MARCHF10: variants seen among roughly 807,000 people sequenced by gnomAD.
MARCHF10 encodes membrane associated ring-CH-type finger 10.
MARCHF10 carries 64 observed loss-of-function variants against 76.2 expected under a neutral mutation model. The observed-to-expected ratio is 0.84, with a 90% CI of 0.69 to 1.03. The LOEUF is 1.03. MARCHF10 is among the 50% of genes least tolerant of loss of function. MARCHF10 has a pLI of 0.00. For synonymous variants in MARCHF10, 340 were observed against 357.5 expected (o/e 0.95, Z 0.55); for missense variants, 875 against 958.0 (o/e 0.91, Z 1.14).
chr17:62,782,345 C>CTTTTTTTTTTTT (rs10676023), intron 3 of MARCHF10, among the ~76,000 whole-genome samples: 1 of 107,028 alleles, frequency 9.3e-6, no homozygotes, highest in East Asian at 2.7e-4. Flanking sequence ...AACAACTGTT[C>CTTTTTTTTTTTT]TTTTTTTTTT....
chr17:62,756,629 G>A (rs772915315), intron 4 of MARCHF10, among the ~76,000 whole-genome samples: 1 of 152,178 alleles, frequency 6.6e-6, no homozygotes, highest in Non-Finnish European at 1.5e-5. Flanking sequence ...CACAGCGGCA[G>A]GGACTGTCCT....
intron 8 of MARCHF10, among the ~76,000 whole-genome samples, chr17:62,713,878 A>C (rs1450275503): frequency 6.6e-6 from 1 of 152,220 alleles, no homozygotes; most frequent in African/African-American, 2.4e-5. Flanking sequence ...AAACAGCGCA[A>C]AAGGGCTCCG....
At chr17:62,702,701 G>T (rs757695642) in intron 10 of MARCHF10, among the ~76,000 whole-genome samples, 7 of 152,158 alleles carry the variant, frequency 4.6e-5, no homozygotes, top group African/African-American at 7.2e-5. Flanking sequence ...AGAAAAGAAA[G>T]AAAGTTTCTG....
At chr17:62,802,582 G>C (rs539563069) in intron 1 of MARCHF10, among the ~76,000 whole-genome samples, 1 of 152,168 alleles carries the variant, frequency 6.6e-6, no homozygotes, top group East Asian at 1.9e-4. Context: ...ACTATGATAG[G>C]CCCTCTGAAG....
At chr17:62,708,713 A>G (rs2089741775) in intron 9 of MARCHF10, among the ~76,000 whole-genome samples, 1 of 152,218 alleles carries the variant, frequency 6.6e-6, no homozygotes, top group Non-Finnish European at 1.5e-5. Context: ...CCACTTCCTT[A>G]TCTGGCAAAA....
At chr17:62,803,621 G>T (rs2093115034) in intron 1 of MARCHF10, among the ~76,000 whole-genome samples, 1 of 152,136 alleles carries the variant, frequency 6.6e-6, no homozygotes, top group African/African-American at 2.4e-5. Context: ...CCAGGTTCCA[G>T]CTATTCTCCT....
chr17:62,746,920 G>A (rs2091725763), intron 4 of MARCHF10: 1 of 1,536,020 alleles, frequency 6.5e-7, no homozygotes, highest in Admixed American at 2.0e-5. Context: ...GACTGCACCA[G>A]CCAGAAGGTC....
chr17:62,779,587 G>C (rs866292339), intron 3 of MARCHF10, among the ~76,000 whole-genome samples: 2 of 152,290 alleles, frequency 1.3e-5, no homozygotes, highest in African/African-American at 2.4e-5. Context: ...CAGCCTCCAC[G>C]GACAGCTGAG....
chr17:62,727,543 T>C (rs4968628), intron 6 of MARCHF10, among the ~76,000 whole-genome samples: 74,223 of 151,836 alleles, frequency 0.49, 18,795 homozygotes, highest in East Asian at 0.65. Flanking sequence ...GTACTAGCCT[T>C]TGGTATTACT....
At chr17:62,725,166 C>T in intron 6 of MARCHF10, 62 bp from the exon 7 acceptor site, 1 of 1,461,130 alleles carries the variant, frequency 6.8e-7, no homozygotes, top group Non-Finnish European at 9.1e-7. Flanking sequence ...CTACAAATAC[C>T]AGTTCCCAGA....
At chr17:62,750,852 CGTCT>C (rs2091876563) in intron 4 of MARCHF10, among the ~76,000 whole-genome samples, 1 of 152,156 alleles carries the variant, frequency 6.6e-6, no homozygotes, top group South Asian at 2.1e-4. Context: ...GGGCCTTTCT[CGTCT>C]CCCACTGCCA....
intron 3 of MARCHF10, among the ~76,000 whole-genome samples, chr17:62,766,243 G>A (rs555098042): frequency 1.3e-5 from 2 of 152,304 alleles, no homozygotes; most frequent in Non-Finnish European, 1.5e-5. Flanking sequence ...GCTCACGCCT[G>A]TAATCCCAGC....
intron 1 of MARCHF10, among the ~76,000 whole-genome samples, chr17:62,802,376 C>G (rs779259450): frequency 6.6e-6 from 1 of 152,092 alleles, no homozygotes; most frequent in Admixed American, 6.6e-5. Context: ...CCTGCCACCA[C>G]GCCTGGCTAA....
chr17:62,801,821 TTTCATCTAATTGCTTTTATTTGTGTA>T, intron 1 of MARCHF10, 69 bp from the exon 2 acceptor site: 1 of 1,097,968 alleles, frequency 9.1e-7, no homozygotes, highest in South Asian at 1.2e-5. Context: ...TTGGATTTAT[TTTCATCTAATTGCTTTTATTTGTGTA>T]TTCATCTAAT....
At chr17:62,801,183 G>A (rs1304544255) in intron 2 of MARCHF10, among the ~76,000 whole-genome samples, 1 of 152,096 alleles carries the variant, frequency 6.6e-6, no homozygotes, top group African/African-American at 2.4e-5. Flanking sequence ...TGAGACGGAG[G>A]AGTCTCGCTG....
chr17:62,796,284 G>A (rs1013084993), intron 2 of MARCHF10, among the ~76,000 whole-genome samples: 1 of 152,088 alleles, frequency 6.6e-6, no homozygotes, highest in Non-Finnish European at 1.5e-5. Flanking sequence ...GAGCCACTGC[G>A]CCCGGCCTAC....
intron 4 of MARCHF10, among the ~76,000 whole-genome samples, chr17:62,747,253 CAT>C (rs2091738248): frequency 6.6e-6 from 1 of 152,198 alleles, no homozygotes; most frequent in Admixed American, 6.5e-5. Context: ...AACTAGAACA[CAT>C]TTTTTTGTTG....
intron 8 of MARCHF10, among the ~76,000 whole-genome samples, chr17:62,720,515 C>T (rs2090427590): frequency 6.6e-6 from 1 of 152,232 alleles, no homozygotes; most frequent in Non-Finnish European, 1.5e-5. Flanking sequence ...CTGATAAAAC[C>T]TCCAAAGGTT....
chr17:62,735,388 GA>G (rs923723449), intron 6 of MARCHF10: 2 of 152,398 alleles, frequency 1.3e-5, no homozygotes, highest in Non-Finnish European at 2.9e-5. Context: ...TCTCTTGCAT[GA>G]AAAAGAGCAC....
Sources: allele counts gnomAD v4.1 joint callset (sites outside exome capture counted in the v4.1 genomes callset), GRCh38; gene constraint gnomAD v4.1.1; transcripts MANE v1.5; gene names NCBI Gene and HGNC (gene_info 2026-07-23, HGNC 2026-07-21).